The following ZNF730 variants were observed in gnomAD, a reference collection of about 807,000 sequenced individuals.
ZNF730 encodes zinc finger protein 730.
Under a neutral mutation model 12.6 loss-of-function variants are expected in ZNF730, and 12 were observed. That is an observed-to-expected ratio of 0.95 (90% CI 0.61 to 1.54). ZNF730 has a LOEUF of 1.54. Ranked by LOEUF, ZNF730 falls within the 40% of genes most tolerant of loss-of-function variation. The pLI is 0.00. For missense variants in ZNF730, 643 were observed against 583.5 expected (o/e 1.10, Z -1.05); for synonymous variants, 194 against 195.8 (o/e 0.99, Z 0.08).
intron 1 of ZNF730, among the ~76,000 whole-genome samples, chr19:23,080,735 C>T (rs554166621): frequency 1.3e-5 from 2 of 152,072 alleles, no homozygotes; most frequent in East Asian, 1.9e-4. Flanking sequence ...TTGCCAAACC[C>T]ATTGTCATGA....
chr19:23,134,245 A>G, intron 2 of ZNF730, 39 bp downstream of exon 2: 1 of 1,457,362 alleles, frequency 6.9e-7, no homozygotes, highest in Non-Finnish European at 9.2e-7. Context: ...AATATACCCT[A>G]TAGATTTCAT....
intron 1 of ZNF730, among the ~76,000 whole-genome samples, chr19:23,081,007 G>A (rs562633820): frequency 6.6e-6 from 1 of 151,242 alleles, no homozygotes; most frequent in African/African-American, 2.4e-5. Flanking sequence ...CACCACTCCT[G>A]GCTAAGTTTT....
At chr19:23,128,660 G>A (rs960658491) in intron 1 of ZNF730, 1 of 157,932 alleles carries the variant, frequency 6.3e-6, no homozygotes, top group African/African-American at 2.4e-5. Flanking sequence ...CTTGGGTTCT[G>A]TTAAGGGCAT....
At chr19:23,128,562 A>G (rs1970699831) in intron 1 of ZNF730, 2 of 228,386 alleles carry the variant, frequency 8.8e-6, no homozygotes, top group Admixed American at 8.6e-5. Flanking sequence ...ATTTTCAATG[A>G]GGATTTTTTA....
intron 2 of ZNF730, 69 bp downstream of exon 2, chr19:23,134,275 G>T: frequency 7.6e-7 from 1 of 1,309,146 alleles, no homozygotes; most frequent in Non-Finnish European, 1.0e-6. Flanking sequence ...TAAAAATTCT[G>T]TGCTTTCAGA....
chr19:23,124,847 T>A (rs1214947695), intron 1 of ZNF730, among the ~76,000 whole-genome samples: 1 of 152,218 alleles, frequency 6.6e-6, no homozygotes, highest in African/African-American at 2.4e-5. Context: ...GCAGTTATGG[T>A]TCTTATCATA....
chr19:23,105,460 A>G (rs577939556), intron 1 of ZNF730, among the ~76,000 whole-genome samples: 7 of 152,170 alleles, frequency 4.6e-5, no homozygotes, highest in African/African-American at 1.7e-4. Flanking sequence ...TTCTACATGG[A>G]TTATATAAAT....
At chr19:23,080,401 A>G (rs958344014) in intron 1 of ZNF730, among the ~76,000 whole-genome samples, 1 of 150,762 alleles carries the variant, frequency 6.6e-6, no homozygotes, top group Non-Finnish European at 1.5e-5. Context: ...TTTGAGACAG[A>G]GTCTCACTCT....
intron 2 of ZNF730, among the ~76,000 whole-genome samples, chr19:23,135,323 A>G (rs1337149334): frequency 7.1e-6 from 1 of 139,950 alleles, no homozygotes; most frequent in African/African-American, 2.6e-5. Flanking sequence ...TGAACTTTCC[A>G]CTTTCCTGAG....
chr19:23,095,075 A>G (rs1599574749), intron 1 of ZNF730: 2 of 300,540 alleles, frequency 6.7e-6, no homozygotes, highest in Non-Finnish European at 1.2e-5. Context: ...GATTTTACCC[A>G]GCACCAGAGG....
intron 1 of ZNF730, among the ~76,000 whole-genome samples, chr19:23,111,021 A>C (rs889361776): frequency 6.6e-6 from 1 of 152,088 alleles, no homozygotes; most frequent in African/African-American, 2.4e-5. Flanking sequence ...TTAAGTGTGG[A>C]CTCTTGGAGA....
chr19:23,134,508 G>A (rs1351376507), intron 2 of ZNF730, among the ~76,000 whole-genome samples: 13 of 140,028 alleles, frequency 9.3e-5, no homozygotes, highest in South Asian at 2.3e-4. Context: ...CGGCCGCCCC[G>A]TCCGGGAGGT....
intron 1 of ZNF730, among the ~76,000 whole-genome samples, chr19:23,106,554 G>A (rs1356327919): frequency 2.0e-5 from 3 of 152,126 alleles, no homozygotes; most frequent in Admixed American, 6.5e-5. Context: ...CATTTTGGGA[G>A]GCCGAGGCAG....
intron 1 of ZNF730, among the ~76,000 whole-genome samples, chr19:23,107,976 A>T (rs533858789): frequency 6.6e-6 from 1 of 152,208 alleles, no homozygotes; most frequent in Non-Finnish European, 1.5e-5. Context: ...ATGATTGCCA[A>T]CGCCGAGGCA....
rs747879806 is a variant in ZNF730, at chr19:23,135,902, T to TA, written c.131-44dup. The TA allele has an allele frequency of 2.1e-5, 32 of 1,515,860 alleles. No individual in the cohort carries two copies. In the South Asian group the frequency reaches 3.5e-4, roughly 17 times the overall value. 93.9% of individuals were successfully genotyped at this position (1,515,860 alleles called of 1,614,324 possible). ...TTTACTGAGAGCATTACTAAGTTGG[T>TA]AATTGGAGAATATGAGCAAGATTCA... is the stretch of plus-strand genomic sequence containing the variant. On this transcript the variant is annotated intron_variant, in intron 2 of 3. Transcript: ENST00000597761.
intron 1 of ZNF730, among the ~76,000 whole-genome samples, chr19:23,080,556 G>A (rs1399214958): frequency 6.6e-6 from 1 of 151,818 alleles, no homozygotes; most frequent in African/African-American, 2.4e-5. Flanking sequence ...TTTATTTTTA[G>A]TAGAGACGGG....
chr19:23,106,791 CA>C (rs538343920), intron 1 of ZNF730, among the ~76,000 whole-genome samples: 7,536 of 63,582 alleles, frequency 0.12, 170 homozygotes, highest in Middle Eastern at 0.21. Context: ...AACTGCGTCT[CA>C]AAAAAAAAAA....
chr19:23,116,245 G>C (rs1970518012), upstream of ZNF730, among the ~76,000 whole-genome samples: 1 of 151,516 alleles, frequency 6.6e-6, no homozygotes, highest in African/African-American at 2.4e-5. Flanking sequence ...TTCAGTGTCT[G>C]ATCTCTGGAA....
At position 23,078,674 on chromosome 19, in the gene ZNF730, A is replaced by G. The variant is rs1052379294; in HGVS notation, c.-94+3287A>G. Among the ~76,000 whole-genome samples the G allele has an allele frequency of 1.3e-5, 2 of 152,112 alleles. 1 individual carries two copies. The highest frequency in any genetic ancestry group is 4.2e-4 in the South Asian group (2 of 4,796). ...CCCCTGGGCCCACTTTTCTTTCTCT[A>G]TACTTTGTCTCTGTGTCTCTTTCTT... On this transcript the variant is annotated intron_variant, in intron 1 of 2. Coordinates refer to the ZNF730 transcript ENST00000593635.
Sources: gnomAD v4.1 joint callset for allele counts (sites outside exome capture counted in the v4.1 genomes callset) on GRCh38, gnomAD v4.1.1 for gene constraint, MANE v1.5 for transcripts, NCBI Gene and HGNC (gene_info 2026-07-23, HGNC 2026-07-21) for gene names.